ANKFY1: variants seen among roughly 807,000 people sequenced by gnomAD.
ANKFY1 encodes the protein ankyrin repeat and FYVE domain containing 1.
Under a neutral mutation model 128.3 loss-of-function variants are expected in ANKFY1, and 47 were observed. The observed-to-expected ratio is 0.37, with a 90% CI of 0.29 to 0.47. The LOEUF (loss-of-function observed/expected upper bound fraction) is 0.47. ANKFY1 is among the 20% of genes least tolerant of loss of function. The pLI is 1.00. For synonymous variants in ANKFY1, 553 were observed against 601.6 expected, an observed-to-expected ratio of 0.92 and a Z score of 1.18; for missense variants, 1,222 against 1,510.6, an observed-to-expected ratio of 0.81 and a Z score of 3.17.
At chr17:4,193,784 G>C (rs542214903) in intron 10 of ANKFY1, among the ~76,000 whole-genome samples, 1 of 148,534 alleles carries the variant, frequency 6.7e-6, no homozygotes, top group Non-Finnish European at 1.5e-5. Context: ...TTTTGAGATG[G>C]AGTCTTGCTC....
At chr17:4,231,823 G>A (rs953140961) in intron 3 of ANKFY1, among the ~76,000 whole-genome samples, 1 of 151,694 alleles carries the variant, frequency 6.6e-6, no homozygotes, top group Non-Finnish European at 1.5e-5. Context: ...TGTGGTCCCA[G>A]ATACTCAGGA....
At chr17:4,223,840 G>T in intron 3 of ANKFY1, 1 of 1,178,146 alleles carries the variant, frequency 8.5e-7, no homozygotes, top group Admixed American at 2.1e-5. Flanking sequence ...CTCTTCTCTC[G>T]CAATCCCACA....
At chr17:4,222,698 T>C (rs1260071636) in intron 3 of ANKFY1, 1 of 863,880 alleles carries the variant, frequency 1.2e-6, no homozygotes, top group East Asian at 2.4e-5. Context: ...CAACCACTTC[T>C]ACGCGTGTTT....
At chr17:4,244,710 G>C (rs556837139) in intron 1 of ANKFY1, among the ~76,000 whole-genome samples, 1 of 152,000 alleles carries the variant, frequency 6.6e-6, no homozygotes, top group Non-Finnish European at 1.5e-5. Context: ...TGCTTCCTCA[G>C]AAAGGGTATC....
Position 4,235,878 on chromosome 17 carries a change from T to C in ANKFY1, c.216A>G (p.Ile72Met). 1 of 1,613,066 alleles carries C rather than the reference T, an allele frequency of 6.2e-7. No individual in the cohort carries two copies. The highest frequency in any genetic ancestry group is 8.5e-7 in the Non-Finnish European group (1 of 1,179,120). The change falls in exon 3 of 25, where the codon ATA (isoleucine) becomes ATG (methionine). Residue 72 changes from isoleucine (I) to methionine (M), a missense_variant. Ile to Met is a conservative substitution (Grantham distance 10). Coordinates refer to ENST00000341657, the MANE Select transcript of ANKFY1 (RefSeq NM_001330063.2). ...YEQEQYSDLK[I>M]KVGDRHISAH... ...CACTGATGTGCCTGTCCCCAACCTT[T>C]ATCTTCAGATCGCTGATGAAGAAAA... is the stretch of plus-strand genomic sequence containing the variant.
At chr17:4,190,381 C>T (rs2059696389) in intron 10 of ANKFY1, among the ~76,000 whole-genome samples, 1 of 151,838 alleles carries the variant, frequency 6.6e-6, no homozygotes, top group Non-Finnish European at 1.5e-5. Context: ...GCAGAGGTTG[C>T]AGTGAGCCAA....
intron 3 of ANKFY1, chr17:4,222,491 G>A: frequency 2.2e-6 from 2 of 893,100 alleles, no homozygotes; most frequent in Non-Finnish European, 3.8e-6. Flanking sequence ...CTGCCCCAGG[G>A]CAACATTTCT....
At position 4,167,876 on chromosome 17, in the gene ANKFY1, G is replaced by A. The variant is rs757231209; in HGVS notation, c.3413C>T (p.Ser1138Leu). Residue 1138 changes from serine (S) to leucine (L), a missense_variant, in exon 25 of 25, where the codon TCG (serine) becomes TTG (leucine). Coordinates refer to ENST00000341657, the MANE Select transcript of ANKFY1 (RefSeq NM_001330063.2). The surrounding 1 kb of genome is among the most constrained non-coding windows in gnomAD (Gnocchi z 4.1). ...CTTTATAATAGGAATCTCCTTGGTCGAGCATTTATGGCAAAGAAGACGTCC... is the reference window on the plus strand; with the variant it reads ...CTTTATAATAGGAATCTCCTTGGTCAAGCATTTATGGCAAAGAAGACGTCC... The part of the protein sequence containing the change: ...HCGRLLCHKC[S>L]TKEIPIIKFD... 3.7e-6 allele frequency: 6 copies of A among 1,613,974 alleles called. No individual in the cohort carries two copies. Among genetic ancestry groups the A allele is most frequent in the Admixed American group, 3.3e-5 (2 of 60,014 alleles).
At chr17:4,198,462 C>G (rs960708483) in intron 7 of ANKFY1, among the ~76,000 whole-genome samples, 26 of 151,818 alleles carry the variant, frequency 1.7e-4, no homozygotes, top group African/African-American at 6.3e-4. Flanking sequence ...ACTTCCGCCT[C>G]CGAAATTCAA....
At position 4,179,075 on chromosome 17, in the gene ANKFY1, GAATTT is replaced by G; in HGVS notation, c.2398-23_2398-19del. On this transcript the variant is annotated intron_variant, in intron 17 of 24. Transcript: ENST00000341657. ...TCTGCATCCTATGGAACAAGGCACA[GAATTT>G]AATGTTCAATTGCAAGATAAAACTC... The G allele has an allele frequency of 1.2e-6, 2 of 1,612,500 alleles. No individual in the cohort carries two copies. The highest frequency in any genetic ancestry group is 1.7e-6 in the Non-Finnish European group (2 of 1,178,828).
chr17:4,175,346 G>GA lies in ANKFY1; in HGVS notation c.2776-1291dup, dbSNP rs981352010. 2.7e-3 allele frequency among the ~76,000 whole-genome samples: 355 copies of GA among 130,780 alleles called. 1 individual carries two copies. Among genetic ancestry groups the GA allele is most frequent in the Non-Finnish European group, 4.8e-3 (286 of 59,600 alleles). 85.8% of individuals were successfully genotyped at this position (130,780 alleles called of 152,430 possible). A position where few individuals can be genotyped will look rare whatever the true frequency, so the allele number is the denominator to read the frequency against. The stretch of plus-strand genomic sequence containing the variant: ...AGACCATGTCTCAAAAAAGGAAAAA[G>GA]AAAAAAAAAAGAAAGAAAAAAAGGG... On this transcript the variant is annotated intron_variant, in intron 19 of 24. Transcript: ENST00000341657.
At chr17:4,217,214 G>A in intron 3 of ANKFY1, 96 bp from the exon 4 acceptor site, 1 of 1,377,668 alleles carries the variant, frequency 7.3e-7, no homozygotes, top group South Asian at 1.3e-5. Context: ...TAAAGTAAAT[G>A]ACAGTATACC....
At position 4,182,259 on chromosome 17, in the gene ANKFY1, C is replaced by T. The variant is rs2059529731; in HGVS notation, c.2043G>A (p.Met681Ile). 1.9e-6 allele frequency: 3 copies of T among 1,594,386 alleles called. No individual in the cohort carries two copies. Among genetic ancestry groups the T allele is most frequent in the Non-Finnish European group, 2.6e-6 (3 of 1,169,692 alleles). The change falls in exon 15 of 25, where the codon ATG (methionine) becomes ATA (isoleucine). Residue 681 changes from methionine to isoleucine, a missense_variant. By Grantham distance (10) the Met-to-Ile change is conservative. Transcript: ENST00000341657. ...VDAICTRGAD[M>I]SVPDEKGNPP... is the part of the protein sequence containing the mutation. ...GGTTCCCCTTCTCATCTGGCACAGACATGTCAGCTCCTCGGGTGCATATGG... is the reference window on the plus strand; with the variant it reads ...GGTTCCCCTTCTCATCTGGCACAGATATGTCAGCTCCTCGGGTGCATATGG...
chr17:4,221,926 T>C (rs2060321315), intron 3 of ANKFY1, among the ~76,000 whole-genome samples: 1 of 152,196 alleles, frequency 6.6e-6, no homozygotes, highest in African/African-American at 2.4e-5. Flanking sequence ...CCTATTGTTT[T>C]CTCAATCTAC....
At chr17:4,244,061 G>A (rs1292630569) in intron 1 of ANKFY1, among the ~76,000 whole-genome samples, 1 of 151,804 alleles carries the variant, frequency 6.6e-6, no homozygotes, top group South Asian at 2.1e-4. Context: ...CTCCCAAGCA[G>A]CTGGGATGAC....
intron 9 of ANKFY1, 24 bp from the exon 10 acceptor site, chr17:4,195,201 C>T: frequency 6.3e-7 from 1 of 1,581,648 alleles, no homozygotes; most frequent in African/African-American, 1.3e-5. Flanking sequence ...GCAGTGTCAA[C>T]AGCACATACA....
At chr17:4,179,957 G>A (rs2059480058) in intron 16 of ANKFY1, 80 bp from the exon 17 acceptor site, 1 of 1,556,298 alleles carries the variant, frequency 6.4e-7, no homozygotes, top group African/African-American at 1.4e-5. Context: ...TGTAAAGCAG[G>A]AGCCTCATCC....
intron 6 of ANKFY1, 28 bp downstream of exon 6, chr17:4,207,905 T>TG: frequency 1.3e-6 from 2 of 1,543,606 alleles, no homozygotes; most frequent in Non-Finnish European, 1.7e-6. Flanking sequence ...TTTCGGGAAA[T>TG]GAAGAATGGA....
chr17:4,255,942 C>T (rs993975866), intron 1 of ANKFY1, among the ~76,000 whole-genome samples: 19 of 152,016 alleles, frequency 1.2e-4, no homozygotes, highest in South Asian at 4.1e-4. Flanking sequence ...CTCAGCCTCC[C>T]GAATAGCTAG....
Sources: gnomAD v4.1 joint callset for allele counts (sites outside exome capture counted in the v4.1 genomes callset) on GRCh38, gnomAD v4.1.1 for gene constraint, Gnocchi (gnomAD v3.1) non-coding constraint, MANE v1.5 for transcripts, NCBI Gene and HGNC (gene_info 2026-07-23, HGNC 2026-07-21) for gene names.